EYA1: variants seen among roughly 807,000 people sequenced by gnomAD.
The protein encoded by EYA1 is protein phosphatase EYA1.
A neutral mutation model predicts 82.0 loss-of-function variants in EYA1; 16 were observed. That is an observed-to-expected ratio of 0.20 (90% CI 0.13 to 0.30). EYA1 has a LOEUF of 0.30. Ranked by LOEUF, EYA1 falls within the 10% of genes least tolerant of loss-of-function variation. The pLI is 1.00. For synonymous variants in EYA1, 261 were observed against 264.4 expected, an observed-to-expected ratio of 0.99 and a Z score of 0.12; for missense variants, 633 against 730.7, an observed-to-expected ratio of 0.87 and a Z score of 1.54.
chr8:71,210,347 C>T (rs777342806), intron 17 of EYA1, among the ~76,000 whole-genome samples: 3 of 152,044 alleles, frequency 2.0e-5, no homozygotes, highest in Non-Finnish European at 4.4e-5. Context: ...CAAGGAGACA[C>T]AACAGGAAGG....
upstream of EYA1, among the ~76,000 whole-genome samples, chr8:71,365,991 T>C (rs1406238031): frequency 6.6e-6 from 1 of 152,234 alleles, no homozygotes; most frequent in Non-Finnish European, 1.5e-5. Flanking sequence ...GGAAAATTAT[T>C]TTAATACATA....
At chr8:71,466,179 T>C (rs1037971259) in intron 2 of EYA1, among the ~76,000 whole-genome samples, 11 of 152,168 alleles carry the variant, frequency 7.2e-5, no homozygotes, top group Non-Finnish European at 1.5e-4. Flanking sequence ...CTCAGAAATA[T>C]GACTAAATAT....
chr8:71,307,095 A>G, intron 7 of EYA1, among the ~76,000 whole-genome samples: 1 of 152,160 alleles, frequency 6.6e-6, no homozygotes, highest in East Asian at 1.9e-4. Flanking sequence ...ACCTTTCCAT[A>G]GATTTTTGTT....
At chr8:71,401,029 C>A (rs570278487) in intron 2 of EYA1, among the ~76,000 whole-genome samples, 1 of 152,080 alleles carries the variant, frequency 6.6e-6, no homozygotes, top group Non-Finnish European at 1.5e-5. Context: ...GGCAAACTAA[C>A]GCAGGAACAG....
At chr8:71,206,747 T>G (rs1012216906) in intron 17 of EYA1, among the ~76,000 whole-genome samples, 1 of 151,936 alleles carries the variant, frequency 6.6e-6, no homozygotes, top group South Asian at 2.1e-4. Flanking sequence ...AATAAGGGCT[T>G]TATAATTGGT....
intron 17 of EYA1, 35 bp downstream of exon 17, chr8:71,211,120 CA>C: frequency 7.3e-7 from 1 of 1,370,770 alleles, no homozygotes; most frequent in Non-Finnish European, 1.0e-6. Flanking sequence ...ACTGAAAAAA[CA>C]AATGAGACAA....
chr8:71,217,727 A>G (rs1297150251), intron 12 of EYA1, among the ~76,000 whole-genome samples: 2 of 152,114 alleles, frequency 1.3e-5, no homozygotes, highest in African/African-American at 4.8e-5. Context: ...TTTTACTATT[A>G]TTACATATTC....
intron 2 of EYA1, among the ~76,000 whole-genome samples, chr8:71,464,849 A>G (rs1808661583): frequency 6.6e-6 from 1 of 152,196 alleles, no homozygotes; most frequent in Non-Finnish European, 1.5e-5. Flanking sequence ...CTCACTTCCT[A>G]TTGGTGATCT....
At position 71,321,914 on chromosome 8, in the gene EYA1, A is replaced by T. The variant is rs1822603469; in HGVS notation, c.273-35T>A. ...AGAAATGACAGAAAATAGAAAGCCC[A>T]TGCATTAGATGGAAACATGCAAACC... is the stretch of plus-strand genomic sequence containing the variant. On this transcript the variant is annotated intron_variant, in intron 5 of 17. Transcript: ENST00000340726. The T allele has an allele frequency of 3.7e-6, 6 of 1,613,854 alleles. No individual in the cohort carries two copies. The African/African-American group carries it at 6.7e-5, about 18-fold the overall frequency.
At chr8:71,403,064 A>G (rs2129129154) in intron 2 of EYA1, among the ~76,000 whole-genome samples, 1 of 152,360 alleles carries the variant, frequency 6.6e-6, no homozygotes, top group African/African-American at 2.4e-5. Context: ...AAAAGCTACA[A>G]AGGAGAAGAC....
At chr8:71,450,841 T>G (rs74689047) in intron 2 of EYA1, among the ~76,000 whole-genome samples, 11,843 of 152,296 alleles carry the variant, frequency 0.078, 588 homozygotes, top group East Asian at 0.21. Context: ...TAGCCAAAAT[T>G]ATAACCATAA....
At chr8:71,289,491 G>A (rs11786844) in intron 9 of EYA1, among the ~76,000 whole-genome samples, 13,370 of 152,122 alleles carry the variant, frequency 0.088, 1,043 homozygotes, top group East Asian at 0.43. Context: ...TGTTTACTAC[G>A]CAGCTACTAC....
At chr8:71,215,315 T>C (rs771702942) in intron 16 of EYA1, 72 bp downstream of exon 16, 3 of 1,480,412 alleles carry the variant, frequency 2.0e-6, no homozygotes, top group South Asian at 1.2e-5. Context: ...AAAAGTTTCA[T>C]TTATTGCCTT....
intron 2 of EYA1, among the ~76,000 whole-genome samples, chr8:71,489,063 G>A (rs912693183): frequency 1.3e-5 from 2 of 152,084 alleles, no homozygotes; most frequent in Non-Finnish European, 1.5e-5. Flanking sequence ...ATTCTTTTAG[G>A]GTTCACGCCA....
At chr8:71,260,075 G>A (rs1814914640) in intron 11 of EYA1, among the ~76,000 whole-genome samples, 1 of 152,086 alleles carries the variant, frequency 6.6e-6, no homozygotes, top group African/African-American at 2.4e-5. Flanking sequence ...AGCACCAAAA[G>A]AAAAATTGTT....
At chr8:71,343,922 G>A (rs1329276809) in intron 3 of EYA1, among the ~76,000 whole-genome samples, 2 of 152,046 alleles carry the variant, frequency 1.3e-5, no homozygotes, top group East Asian at 3.9e-4. Context: ...ATACAGACAG[G>A]AAAGTTGGAA....
upstream of EYA1, among the ~76,000 whole-genome samples, chr8:71,363,173 C>T (rs1369870874): frequency 4.6e-5 from 7 of 151,856 alleles, no homozygotes; most frequent in Admixed American, 2.0e-4. Context: ...ATTTTTTAGG[C>T]GCTTGATAGA....
At chr8:71,506,116 G>T (rs1219672504) in intron 2 of EYA1, among the ~76,000 whole-genome samples, 1 of 152,044 alleles carries the variant, frequency 6.6e-6, no homozygotes, top group Non-Finnish European at 1.5e-5. Flanking sequence ...AAATTACCCA[G>T]TCTTGGGTAT....
At chr8:71,440,680 G>C (rs1806365090) in intron 2 of EYA1, among the ~76,000 whole-genome samples, 1 of 152,158 alleles carries the variant, frequency 6.6e-6, no homozygotes, top group Non-Finnish European at 1.5e-5. Context: ...TGAACTTGGA[G>C]CCCATACGTC....
Sources: allele counts gnomAD v4.1 joint callset (sites outside exome capture counted in the v4.1 genomes callset), GRCh38; gene constraint gnomAD v4.1.1; transcripts MANE v1.5; gene names NCBI Gene and HGNC (gene_info 2026-07-23, HGNC 2026-07-21).